The following TDRD5 variants were observed in gnomAD, a reference collection of about 807,000 sequenced individuals.
TDRD5 encodes tudor domain containing 5.
In TDRD5, 41 loss-of-function variants were observed where a neutral mutation model predicts 120.6. That is an observed-to-expected ratio of 0.34 (90% CI 0.26 to 0.44). The LOEUF is 0.44. TDRD5 is among the 20% of genes least tolerant of loss of function. The pLI, the probability that TDRD5 is intolerant of heterozygous loss-of-function variation, is 1.00. For missense variants in TDRD5, 1,006 were observed against 1,221.2 expected (o/e 0.82, Z 2.63); for synonymous variants, 430 against 433.7 (o/e 0.99, Z 0.11).
intron 4 of TDRD5, among the ~76,000 whole-genome samples, chr1:179,612,780 C>G (rs1011063510): frequency 1.3e-5 from 2 of 151,746 alleles, no homozygotes; most frequent in African/African-American, 4.8e-5. Flanking sequence ...ACTAAAAATA[C>G]AAGAATTAGC....
At chr1:179,637,625 T>C (rs1159566924) in intron 9 of TDRD5, among the ~76,000 whole-genome samples, 2 of 151,542 alleles carry the variant, frequency 1.3e-5, no homozygotes, top group African/African-American at 4.9e-5. Context: ...TGCATGCCTG[T>C]AGTCCCAGCT....
At chr1:179,665,699 T>A (rs985940846) in intron 16 of TDRD5, among the ~76,000 whole-genome samples, 2 of 152,212 alleles carry the variant, frequency 1.3e-5, no homozygotes, top group South Asian at 4.1e-4. Context: ...TGTAGTTTTA[T>A]ACTATTAATT....
At chr1:179,645,396 C>T (rs10913847) in intron 11 of TDRD5, among the ~76,000 whole-genome samples, 112,091 of 152,116 alleles carry the variant, frequency 0.74, 41,494 homozygotes, top group East Asian at 0.88. Flanking sequence ...TAAACATTTT[C>T]CTAATTTGTC....
intron 6 of TDRD5, among the ~76,000 whole-genome samples, chr1:179,622,467 A>T (rs1231388311): frequency 6.6e-6 from 1 of 152,208 alleles, no homozygotes; most frequent in East Asian, 1.9e-4. Flanking sequence ...TTCTGAGATG[A>T]TGCAGATATT....
intron 5 of TDRD5, among the ~76,000 whole-genome samples, chr1:179,619,648 G>A (rs1001314658): frequency 1.3e-5 from 2 of 150,870 alleles, no homozygotes; most frequent in East Asian, 3.9e-4. Context: ...TAAGAGACAA[G>A]GTCTTGCTCT....
intron 4 of TDRD5, among the ~76,000 whole-genome samples, chr1:179,610,380 G>T (rs537897105): frequency 6.6e-6 from 1 of 152,256 alleles, no homozygotes; most frequent in Admixed American, 6.5e-5. Context: ...CTGCATGCTT[G>T]TCAAATTCTT....
At chr1:179,607,287 A>C (rs1039483313) in intron 4 of TDRD5, among the ~76,000 whole-genome samples, 1 of 152,088 alleles carries the variant, frequency 6.6e-6, no homozygotes, top group Non-Finnish European at 1.5e-5. Flanking sequence ...GCATCCTGCA[A>C]CCTTGCTATA....
chr1:179,641,225 T>C (rs1329043852), intron 11 of TDRD5, among the ~76,000 whole-genome samples: 2 of 152,134 alleles, frequency 1.3e-5, no homozygotes, highest in Non-Finnish European at 2.9e-5. Flanking sequence ...TTTAAAAATA[T>C]TTTTTATCTG....
chr1:179,647,133 G>A (rs1329346263), intron 11 of TDRD5, among the ~76,000 whole-genome samples: 440 of 148,504 alleles, frequency 3.0e-3, no homozygotes, highest in African/African-American at 9.9e-3. Flanking sequence ...AAAAGAGCCC[G>A]CATCGCCAAG....
chr1:179,631,218 C>T (rs1309106112), intron 7 of TDRD5, among the ~76,000 whole-genome samples: 5 of 152,012 alleles, frequency 3.3e-5, no homozygotes, highest in Non-Finnish European at 7.4e-5. Flanking sequence ...AGTGAAACCC[C>T]GTCTCTACTA....
chr1:179,592,929 A>C (rs1408780944), intron 2 of TDRD5, 82 bp downstream of exon 2: 2 of 1,354,834 alleles, frequency 1.5e-6, no homozygotes, highest in Non-Finnish European at 2.0e-6. Flanking sequence ...TTCTGCAGTT[A>C]TTATGCATCC....
chr1:179,684,513 T>C (rs1680599142), intron 17 of TDRD5, among the ~76,000 whole-genome samples: 1 of 152,200 alleles, frequency 6.6e-6, no homozygotes, highest in Non-Finnish European at 1.5e-5. Flanking sequence ...AACATACATG[T>C]GCATGTTTCT....
chr1:179,676,082 A>G (rs1238503421), intron 17 of TDRD5, among the ~76,000 whole-genome samples: 1 of 152,216 alleles, frequency 6.6e-6, no homozygotes, highest in Non-Finnish European at 1.5e-5. Context: ...CTGTTGGACT[A>G]GTCCTTTTAT....
rs889530006 is a variant in TDRD5 at position 179,593,387 on chromosome 1, A to T, written c.233-73A>T. The T allele has an allele frequency of 1.3e-4, 195 of 1,480,838 alleles. 1 individual carries two copies. The highest frequency in any genetic ancestry group is 1.8e-4 in the Middle Eastern group (1 of 5,428). 91.7% of individuals were successfully genotyped at this position (1,480,838 alleles called of 1,614,324 possible). A position where few individuals can be genotyped will look rare whatever the true frequency, so the allele number is the denominator to read the frequency against. ...CTCCTTGGAGAGTTAAAAACTGTAT[A>T]AACACAGATACTAAGGATAAAGAAG... On this transcript the variant is annotated intron_variant, in intron 2 of 17. Transcript: ENST00000444136.
At chr1:179,600,289 T>C (rs753512431) in intron 4 of TDRD5, among the ~76,000 whole-genome samples, 7 of 152,220 alleles carry the variant, frequency 4.6e-5, no homozygotes, top group Non-Finnish European at 8.8e-5. Flanking sequence ...GTAAGTACTT[T>C]ATACAGATGT....
intron 6 of TDRD5, among the ~76,000 whole-genome samples, chr1:179,625,691 T>G (rs1677085083): frequency 6.6e-6 from 1 of 152,222 alleles, no homozygotes; most frequent in Non-Finnish European, 1.5e-5. Context: ...AAGACTTATA[T>G]GATAGTATTC....
At chr1:179,678,206 A>C (rs1015711940) in intron 17 of TDRD5, among the ~76,000 whole-genome samples, 1 of 151,896 alleles carries the variant, frequency 6.6e-6, no homozygotes, top group African/African-American at 2.4e-5. Context: ...CACGGGCCTC[A>C]CTCCGCTCCC....
At chr1:179,610,778 G>T (rs1346294700) in intron 4 of TDRD5, among the ~76,000 whole-genome samples, 3 of 151,876 alleles carry the variant, frequency 2.0e-5, no homozygotes, top group African/African-American at 7.3e-5. Flanking sequence ...TTTAAGACGG[G>T]TCTCCCCTGG....
chr1:179,688,991 A>G (rs964620924), intron 17 of TDRD5, among the ~76,000 whole-genome samples: 1 of 152,166 alleles, frequency 6.6e-6, no homozygotes, highest in Admixed American at 6.5e-5. Context: ...GGGTTCGAAC[A>G]TCCTCCTTTA....
Sources: gnomAD v4.1 joint callset for allele counts (sites outside exome capture counted in the v4.1 genomes callset) on GRCh38, gnomAD v4.1.1 for gene constraint, MANE v1.5 for transcripts, NCBI Gene and HGNC (gene_info 2026-07-23, HGNC 2026-07-21) for gene names.